Variants in ETFB observed in about 807,000 individuals in gnomAD.
ETFB encodes the protein electron transfer flavoprotein subunit beta.
In ETFB, 20 loss-of-function variants were observed where a neutral mutation model predicts 25.6. The observed-to-expected ratio is 0.78, with a 90% confidence interval of 0.55 to 1.14. The LOEUF is 1.14. ETFB is among the 50% of genes most tolerant of loss of function. ETFB has a pLI of 0.00. For missense variants in ETFB, 286 were observed against 342.6 expected (o/e 0.83, Z 1.30); for synonymous variants, 142 against 146.7 (o/e 0.97, Z 0.23).
At chr19:51,345,506 T>C (rs765202689) in intron 5 of ETFB, 125 bp from the exon 6 acceptor site, 2 of 954,962 alleles carry the variant, frequency 2.1e-6, no homozygotes, top group Non-Finnish European at 3.3e-6. Context: ...ACCCACCCAC[T>C]GGCCAGGACA....
chr19:51,353,159 C>A lies in ETFB; in HGVS notation c.348G>T (p.Lys116Asn). ...RVLAKLAEKE[K>N]VDLVLLGKQA... ...GTTTGCCCAGCAGCACCAGGTCCAC[C>A]TTCTCCTTCTCTGCCAGCTTGGCCA... The change falls in exon 3 of 6, where the codon AAG becomes AAT. Residue 116 changes from lysine (K) to asparagine (N), a missense_variant. By Grantham distance (94) the Lys-to-Asn change is moderately conservative. Transcript: ENST00000309244. 1 of 1,614,102 alleles carries A rather than the reference C, an allele frequency of 6.2e-7. No homozygotes were observed. Among genetic ancestry groups the A allele is most frequent in the South Asian group, 1.1e-5 (1 of 91,088 alleles).
intron 3 of ETFB, 89 bp from the exon 4 acceptor site, chr19:51,350,480 TTTTC>T (rs1985908134): frequency 6.8e-6 from 5 of 732,480 alleles, no homozygotes; most frequent in Admixed American, 2.0e-5. Context: ...TTGGCAAACT[TTTTC>T]TTTCTTTTTT....
Position 51,347,194 on chromosome 19 carries a change from G to C in ETFB, c.439-136C>G, listed in dbSNP as rs115855517. On this transcript the variant is annotated intron_variant, in intron 4 of 5. Coordinates refer to ENST00000309244, the MANE Select transcript of ETFB (RefSeq NM_001985.3). ...GAGCGAACAATGCAGGGTCCCATGA[G>C]GTTTAGAATCGAGCTTGTACACCTG... 2.4e-3 allele frequency: 2,105 copies of C among 886,330 alleles called. 26 individuals are homozygous for C. In the African/African-American group the frequency reaches 0.03, roughly 13 times the overall value. The allele number at this position is 886,330 out of a possible 1,614,324, so 54.9% of individuals were successfully genotyped here.
At chr19:51,354,005 A>C (rs2123590193) in intron 2 of ETFB, 145 bp downstream of exon 2, 1 of 981,600 alleles carries the variant, frequency 1.0e-6, no homozygotes, top group East Asian at 2.7e-5. Flanking sequence ...CCTCAGACCC[A>C]GGAATCCAGG....
rs530830315 is a variant in ETFB at position 51,353,353 on chromosome 19, G to A, written c.217-63C>T. On this transcript the variant is annotated intron_variant, in intron 2 of 5. Transcript: ENST00000309244. Reference sequence around the variant, plus strand: ...TCAGGGGGACCTAGGAGTCTGGCTCGCAGCCCCTCCTTCCTCAGACCCAGG... The same window carrying A: ...TCAGGGGGACCTAGGAGTCTGGCTCACAGCCCCTCCTTCCTCAGACCCAGG... 1.1e-4 allele frequency: 176 copies of A among 1,586,988 alleles called. 4 individuals carry two copies. The African/African-American group carries it at 2.2e-3, about 20-fold the overall frequency.
chr19:51,366,358 C>G lies in ETFB; in HGVS notation c.-32G>C, dbSNP rs764342231. On this transcript the variant is annotated 5_prime_UTR_variant, in exon 1 of 6. Coordinates refer to ENST00000309244, the MANE Select transcript of ETFB (RefSeq NM_001985.3). Reference sequence around the variant, plus strand: ...GCCGCAGCCACTTACAGGGTCAGCCCGCACCCTCAGCGGCTCAGTCCAGAA... The same window carrying G: ...GCCGCAGCCACTTACAGGGTCAGCCGGCACCCTCAGCGGCTCAGTCCAGAA... 3.7e-6 allele frequency: 6 copies of G among 1,608,602 alleles called. No individual in the cohort carries two copies. Among genetic ancestry groups the G allele is most frequent in the Non-Finnish European group, 5.1e-6 (6 of 1,177,908 alleles).
In ETFB at chr19:51,354,681, T is replaced by C. The variant is rs567338642; in HGVS notation, c.58-373A>G. ...TGTATATAAATACATAATACACTGA[T>C]ACATAAATACAAATGAGGAGAAGAA... On this transcript the variant is annotated intron_variant, in intron 1 of 5. Transcript: ENST00000309244. 32 of 1,600,984 alleles carry C rather than the reference T, an allele frequency of 2.0e-5. No individual in the cohort carries two copies. In the African/African-American group the frequency reaches 3.7e-4, roughly 19 times the overall value.
chr19:51,361,174 G>A (rs1408145860), intron 1 of ETFB, among the ~76,000 whole-genome samples: 7 of 151,768 alleles, frequency 4.6e-5, no homozygotes, highest in East Asian at 3.9e-4. Flanking sequence ...CAGGTGATCC[G>A]CCCACCTCGG....
intron 5 of ETFB, 184 bp downstream of exon 5, chr19:51,346,716 A>G (rs1279096468): frequency 9.7e-6 from 6 of 617,418 alleles, no homozygotes; most frequent in Non-Finnish European, 1.7e-5. Context: ...GCCCCCATGA[A>G]CTCTCAGTAT....
chr19:51,354,966 CAA>C, intron 1 of ETFB: 1 of 333,306 alleles, frequency 3.0e-6, no homozygotes, highest in Non-Finnish European at 5.7e-6. Context: ...GTTACAGAAA[CAA>C]GAGAAGCGGA....
chr19:51,365,955 G>T (rs926638850), intron 1 of ETFB, among the ~76,000 whole-genome samples: 1 of 152,230 alleles, frequency 6.6e-6, no homozygotes, highest in Non-Finnish European at 1.5e-5. Context: ...ACCTCTCTGT[G>T]CCTCAGTTTC....
At chr19:51,357,779 C>T (rs1986120005) in intron 1 of ETFB, among the ~76,000 whole-genome samples, 1 of 152,162 alleles carries the variant, frequency 6.6e-6, no homozygotes, top group African/African-American at 2.4e-5. Context: ...GCGTGAGCCA[C>T]CGCTCCTGGC....
rs370928045 is a variant in ETFB, at chr19:51,366,233, C to A, written c.57+37G>T. The stretch of plus-strand genomic sequence containing the variant: ...TCGTGGCCCCGGAAGCACACGGCTG[C>A]GGGACTCAGGGATGTGGGAGAGGGG... On this transcript the variant is annotated intron_variant, in intron 1 of 5. Coordinates refer to ENST00000309244, the MANE Select transcript of ETFB (RefSeq NM_001985.3). 4 of 1,603,530 alleles carry A rather than the reference C, an allele frequency of 2.5e-6. No individual in the cohort carries two copies. In the East Asian group the frequency reaches 8.9e-5, roughly 36 times the overall value.
intron 1 of ETFB, among the ~76,000 whole-genome samples, chr19:51,359,628 CTCA>C (rs1986171274): frequency 6.6e-6 from 1 of 152,142 alleles, no homozygotes; most frequent in South Asian, 2.1e-4. Context: ...AACAAACTAG[CTCA>C]TCTTCTCAAT....
At chr19:51,353,805 T>A (rs1985996125) in intron 2 of ETFB, among the ~76,000 whole-genome samples, 1 of 49,394 alleles carries the variant, frequency 2.0e-5, no homozygotes, top group Admixed American at 1.6e-4. Flanking sequence ...TCCCAGCCCC[T>A]CCTTCCTCAG....
chr19:51,357,719 G>A (rs1313849543), intron 1 of ETFB, among the ~76,000 whole-genome samples: 2 of 151,938 alleles, frequency 1.3e-5, no homozygotes, highest in Non-Finnish European at 1.5e-5. Context: ...TCGAACTCCC[G>A]ATCTCTGGTG....
At chr19:51,349,285 C>T (rs1985870995) in intron 4 of ETFB, among the ~76,000 whole-genome samples, 1 of 151,976 alleles carries the variant, frequency 6.6e-6, no homozygotes, top group East Asian at 1.9e-4. Flanking sequence ...GGACGTAACC[C>T]CATTGCTTGT....
chr19:51,365,985 C>T (rs1986354254), intron 1 of ETFB, among the ~76,000 whole-genome samples: 1 of 152,180 alleles, frequency 6.6e-6, no homozygotes, highest in South Asian at 2.1e-4. Context: ...TAAACAGGGA[C>T]CGTGACTTCT....
At chr19:51,362,288 C>G (rs1160563924) in intron 1 of ETFB, among the ~76,000 whole-genome samples, 1 of 152,048 alleles carries the variant, frequency 6.6e-6, no homozygotes, top group Non-Finnish European at 1.5e-5. Flanking sequence ...AATAAAAACA[C>G]TTATTGCAGC....
Sources: gnomAD v4.1 joint callset for allele counts (sites outside exome capture counted in the v4.1 genomes callset) on GRCh38, gnomAD v4.1.1 for gene constraint, MANE v1.5 for transcripts, NCBI Gene and HGNC (gene_info 2026-07-23, HGNC 2026-07-21) for gene names.